SYNE1: variants seen among roughly 807,000 people sequenced by gnomAD.
SYNE1 encodes nesprin-1.
A neutral mutation model predicts 1,111.0 loss-of-function variants in SYNE1; 616 were observed. That is an observed-to-expected ratio of 0.55 (90% CI 0.52 to 0.59). The LOEUF (loss-of-function observed/expected upper bound fraction) is 0.59. SYNE1 is among the 20% of genes least tolerant of loss of function. The pLI, the probability that SYNE1 is intolerant of heterozygous loss-of-function variation, is 0.00. For synonymous variants in SYNE1, 3,855 were observed against 3,825.8 expected, an observed-to-expected ratio of 1.01 and a Z score of -0.28; for missense variants, 10,006 against 10,417.0, an observed-to-expected ratio of 0.96 and a Z score of 1.72.
At chr6:152,405,542 T>C (rs1165891560) in intron 45 of SYNE1, among the ~76,000 whole-genome samples, 1 of 152,238 alleles carries the variant, frequency 6.6e-6, no homozygotes, top group Non-Finnish European at 1.5e-5. Flanking sequence ...TTTTTAGTTG[T>C]CATTACCTTT....
intron 46 of SYNE1, among the ~76,000 whole-genome samples, chr6:152,401,978 G>T (rs2097826511): frequency 1.3e-5 from 2 of 152,152 alleles, no homozygotes; most frequent in African/African-American, 4.8e-5. Flanking sequence ...TAAATTGAAG[G>T]CTTCTATTCT....
At chr6:152,194,725 G>A (rs994055110) in intron 127 of SYNE1, among the ~76,000 whole-genome samples, 23 of 152,006 alleles carry the variant, frequency 1.5e-4, no homozygotes, top group South Asian at 4.2e-4. Flanking sequence ...CTCTGACTGC[G>A]TAGCTTACTT....
Position 152,217,361 on chromosome 6 carries a change from A to T in SYNE1, c.22191+896T>A, listed in dbSNP as rs1399589748. On this transcript the variant is annotated intron_variant, in intron 121 of 145. Transcript: ENST00000367255. Reference sequence around the variant, plus strand: ...CAGTGAGCCGAGATTGCACCACTGCACTCCAGCCTGGGCGACAAAGCAAGA... The same window carrying T: ...CAGTGAGCCGAGATTGCACCACTGCTCTCCAGCCTGGGCGACAAAGCAAGA... Among the ~76,000 whole-genome samples, 4 of 149,540 alleles carry T rather than the reference A, an allele frequency of 2.7e-5. No individual in the cohort carries two copies. In the East Asian group the frequency reaches 7.9e-4, roughly 29 times the overall value.
At chr6:152,381,635 C>T (rs947072071) in intron 55 of SYNE1, 7 of 496,666 alleles carry the variant, frequency 1.4e-5, no homozygotes, top group South Asian at 4.3e-5. Flanking sequence ...TATTCGCACA[C>T]GTGAAAATGT....
chr6:152,461,721 G>A lies in SYNE1; in HGVS notation c.2270C>T (p.Pro757Leu). 6.2e-7 allele frequency: 1 copy of A among 1,613,930 alleles called. No individual in the cohort carries two copies. Among genetic ancestry groups the A allele is most frequent in the African/African-American group, 1.3e-5 (1 of 74,982 alleles). Residue 757 changes from proline (P) to leucine (L), a missense_variant, in exon 21 of 146, where the codon CCT becomes CTT. By Grantham distance (98) the Pro-to-Leu change is moderately conservative (BLOSUM62 -3). Transcript: ENST00000367255. ...TATCTTGTATTGGGCATCCATCACAGGCACCCTCTGCTCAATATCCTGCAT... is the reference window on the plus strand; with the variant it reads ...TATCTTGTATTGGGCATCCATCACAAGCACCCTCTGCTCAATATCCTGCAT... ...QDLEDIEQRVPVMDAQYKIIT... is the reference protein window; with the variant it reads ...QDLEDIEQRVLVMDAQYKIIT...
chr6:152,318,995 T>C lies in SYNE1; in HGVS notation c.16257A>G (p.Glu5419=), dbSNP rs1436143858. Reference sequence around the variant, plus strand: ...GGCTCGTGGCCTTGCTCTGCTCAACTTCTTTTATTTTGTCTTGGATCTAAA... The same window carrying C: ...GGCTCGTGGCCTTGCTCTGCTCAACCTCTTTTATTTTGTCTTGGATCTAAA... ...IRDQIQDKIK[E]VEQSKATSQE... is the part of the protein sequence containing the mutation. Residue 5419 remains glutamate (E), a synonymous_variant, in exon 85 of 146, where the codon GAA becomes GAG. Transcript: ENST00000367255. 6 of 1,614,084 alleles carry C rather than the reference T, an allele frequency of 3.7e-6. No individual in the cohort carries two copies. In the East Asian group the frequency reaches 1.3e-4, roughly 36 times the overall value.
At chr6:152,527,180 A>G (rs745869954) in intron 4 of SYNE1, among the ~76,000 whole-genome samples, 16 of 152,188 alleles carry the variant, frequency 1.1e-4, no homozygotes, top group Non-Finnish European at 2.2e-4. Flanking sequence ...AATGTGTTCT[A>G]TGTAAGAGAT....
intron 25 of SYNE1, chr6:152,453,305 A>C (rs2098666430): frequency 1.3e-5 from 8 of 595,414 alleles, no homozygotes; most frequent in Non-Finnish European, 2.4e-5. Context: ...TGCTAGAATA[A>C]GTTAAATGTT....
intron 3 of SYNE1, among the ~76,000 whole-genome samples, chr6:152,603,326 T>C (rs2099600658): frequency 6.6e-6 from 1 of 152,176 alleles, no homozygotes; most frequent in Admixed American, 6.5e-5. Flanking sequence ...CGCCATATTC[T>C]GCAACATAAT....
chr6:152,132,260 A>G lies in SYNE1; in HGVS notation c.26002-46T>C, dbSNP rs199694280. On this transcript the variant is annotated intron_variant, in intron 143 of 145. Transcript: ENST00000367255. Reference sequence around the variant, plus strand: ...TTTAACAACTCCATGTCCCAGACCCATGGGGGCCCTCTGTTGCACCACGTT... The same window carrying G: ...TTTAACAACTCCATGTCCCAGACCCGTGGGGGCCCTCTGTTGCACCACGTT... 395 of 1,531,724 alleles carry G rather than the reference A, an allele frequency of 2.6e-4. No homozygotes were observed. In the African/African-American group the frequency reaches 4.5e-3, roughly 17 times the overall value. 94.9% of individuals were successfully genotyped at this position (1,531,724 alleles called of 1,614,324 possible).
chr6:152,624,243 T>C (rs12110509), intron 3 of SYNE1, among the ~76,000 whole-genome samples: 6,401 of 152,268 alleles, frequency 0.042, 419 homozygotes, highest in African/African-American at 0.14. Flanking sequence ...TTCTGGCATT[T>C]ACCACTTTTT....
chr6:152,481,937 A>G (rs1437490815), intron 14 of SYNE1, among the ~76,000 whole-genome samples: 1 of 151,952 alleles, frequency 6.6e-6, no homozygotes, highest in Non-Finnish European at 1.5e-5. Context: ...TGAGAAGCCA[A>G]ATGACAGAGA....
Position 152,376,809 on chromosome 6 carries a change from C to T in SYNE1, c.9113G>A (p.Gly3038Glu). The change falls in exon 57 of 146, where the codon GGA becomes GAA. Residue 3038 changes from glycine to glutamate, a missense_variant. Gly to Glu is a moderately conservative substitution (Grantham distance 98, BLOSUM62 -2). This residue lies in a region of SYNE1 where 4,955 missense variants were observed against 5,017.2 expected (regional missense o/e 0.99). Transcript: ENST00000367255. The part of the protein sequence containing the change: ...RFSRDLSTYS[G>E]KVSGLIKEYN... ...CTCTTTAATCAAGCCAGAAACTTTT[C>T]CACTGTAGGTACTCAGGTCTCTGGA... The T allele has an allele frequency of 6.2e-7, 1 of 1,614,048 alleles. No individual in the cohort carries two copies. The highest frequency in any genetic ancestry group is 1.1e-5 in the South Asian group (1 of 91,076).
At position 152,395,536 on chromosome 6, in the gene SYNE1, C is replaced by G; in HGVS notation, c.7692G>C (p.Leu2564Phe). ...CATACCTTGCAGCCAGCAGTTCTCC[C>G]AAAAACATTTCAACTTTATGAACTT... The part of the protein sequence containing the change: ...KNEVHKVEMF[L>F]GELLAARESL... The change falls in exon 51 of 146, where the codon TTG (leucine) becomes TTC (phenylalanine). Residue 2564 changes from leucine (L) to phenylalanine (F), a missense_variant. Around this residue, in one of 7 missense-constraint regions of SYNE1, gnomAD observed 4,955 missense variants for 5,017.2 expected, o/e 0.99. Transcript: ENST00000367255. 1 of 1,613,960 alleles carries G rather than the reference C, an allele frequency of 6.2e-7. No individual in the cohort carries two copies. The highest frequency in any genetic ancestry group is 8.5e-7 in the Non-Finnish European group (1 of 1,179,964).
chr6:152,385,708 G>C lies in SYNE1; in HGVS notation c.8618C>G (p.Ser2873Ter), dbSNP rs1332414511. ...TGATAACTTTTTCTGGGTGGCTGATGAATCTCCAGACATATCTGACCACCG... is the reference window on the plus strand; with the variant it reads ...TGATAACTTTTTCTGGGTGGCTGATCAATCTCCAGACATATCTGACCACCG... ...LHRWSDMSGD[S>*]SATQKKLSKI... The change falls in exon 55 of 146, where the codon TCA becomes TGA. Residue 2873 changes from serine (S) to a stop codon, truncating the protein, a stop_gained. Transcript: ENST00000367255. LOFTEE classifies it high-confidence loss of function. The C allele has an allele frequency of 1.9e-6, 3 of 1,614,010 alleles. No individual in the cohort carries two copies. In the Admixed American group the frequency reaches 5.0e-5, roughly 27 times the overall value.
chr6:152,556,496 C>T (rs1026188049), intron 3 of SYNE1, among the ~76,000 whole-genome samples: 1 of 152,194 alleles, frequency 6.6e-6, no homozygotes. Flanking sequence ...GCCAGACCAA[C>T]TCCAGTACAG....
chr6:152,541,457 C>A (rs2128008802), intron 3 of SYNE1, among the ~76,000 whole-genome samples: 1 of 152,144 alleles, frequency 6.6e-6, no homozygotes, highest in South Asian at 2.1e-4. Context: ...TATAGAAATG[C>A]CACTGAATTG....
intron 100 of SYNE1, among the ~76,000 whole-genome samples, chr6:152,264,487 G>A (rs1392490198): frequency 1.3e-5 from 2 of 151,914 alleles, no homozygotes; most frequent in Non-Finnish European, 2.9e-5. Flanking sequence ...TAAGTCTCTA[G>A]AAATAAGACT....
intron 95 of SYNE1, 128 bp from the exon 96 acceptor site, chr6:152,284,300 A>C (rs1008079666): frequency 2.1e-6 from 2 of 960,876 alleles, no homozygotes; most frequent in African/African-American, 3.2e-5. Flanking sequence ...TTAATCAATC[A>C]ACAAATAGCA....
Sources: allele counts gnomAD v4.1 joint callset (sites outside exome capture counted in the v4.1 genomes callset), GRCh38; gene constraint gnomAD v4.1.1; regional missense constraint gnomAD v4.1.1; transcripts MANE v1.5; gene names NCBI Gene and HGNC (gene_info 2026-07-23, HGNC 2026-07-21).